The following SANBR variants were observed in gnomAD, a reference collection of about 807,000 sequenced individuals.
SANBR encodes SANT and BTB domain regulator of CSR.
In SANBR, 77 loss-of-function variants were observed where a neutral mutation model predicts 101.8. The observed-to-expected ratio is 0.76, with a 90% CI of 0.63 to 0.91. The LOEUF is 0.91. Among genes scored for constraint, SANBR ranks in the 40% least tolerant of loss-of-function variants. The pLI, the probability that SANBR is intolerant of heterozygous loss-of-function variation, is 0.00. For synonymous variants in SANBR, 279 were observed against 274.7 expected (o/e 1.02, Z -0.15); for missense variants, 875 against 853.0 (o/e 1.03, Z -0.32).
chr2:61,109,509 A>C (rs1180857214), intron 16 of SANBR, among the ~76,000 whole-genome samples: 1 of 151,824 alleles, frequency 6.6e-6, no homozygotes, highest in African/African-American at 2.4e-5. Context: ...CTGAGAAAGA[A>C]CTCTCCAGGT....
chr2:61,087,195 C>A (rs1157668908), intron 8 of SANBR, among the ~76,000 whole-genome samples: 1 of 152,060 alleles, frequency 6.6e-6, no homozygotes, highest in Non-Finnish European at 1.5e-5. Flanking sequence ...AGATCATATA[C>A]CTAGTTATTG....
intron 17 of SANBR, among the ~76,000 whole-genome samples, chr2:61,116,847 GT>G (rs1211214597): frequency 6.6e-6 from 1 of 151,984 alleles, no homozygotes; most frequent in Non-Finnish European, 1.5e-5. Flanking sequence ...GAGCCCAAGA[GT>G]TTGAGACCAG....
At chr2:61,121,579 T>C in intron 21 of SANBR, 1 of 237,638 alleles carries the variant, frequency 4.2e-6, no homozygotes, top group Non-Finnish European at 8.4e-6. Flanking sequence ...TTGTACTGTT[T>C]GTAGATCACA....
chr2:61,079,845 A>T (rs1490489515), intron 6 of SANBR, among the ~76,000 whole-genome samples: 1 of 151,656 alleles, frequency 6.6e-6, no homozygotes. Flanking sequence ...GGTTGCAGTG[A>T]GCAGAGATTG....
At chr2:61,110,831 A>AG (rs1359905677) in intron 16 of SANBR, among the ~76,000 whole-genome samples, 1 of 148,060 alleles carries the variant, frequency 6.8e-6, no homozygotes. Context: ...CTGGGCAATC[A>AG]GAGTGAAACT....
At chr2:61,107,641 T>C (rs1261543585) in intron 14 of SANBR, among the ~76,000 whole-genome samples, 1 of 152,176 alleles carries the variant, frequency 6.6e-6, no homozygotes, top group African/African-American at 2.4e-5. Context: ...TGGTGGTTCA[T>C]GCTTGTAATC....
At chr2:61,101,360 T>G (rs773138276) in intron 12 of SANBR, among the ~76,000 whole-genome samples, 103 of 152,364 alleles carry the variant, frequency 6.8e-4, no homozygotes, top group Admixed American at 1.8e-3. Flanking sequence ...AATTTACATT[T>G]GTGGTTAGTT....
chr2:61,100,502 G>A (rs987786290), intron 12 of SANBR, among the ~76,000 whole-genome samples: 4 of 152,146 alleles, frequency 2.6e-5, no homozygotes, highest in Admixed American at 2.6e-4. Context: ...GGCACGGTAG[G>A]GTGGGATCTT....
chr2:61,101,364 G>T lies in SANBR; in HGVS notation c.1366-2489G>T, dbSNP rs536414486. Among the ~76,000 whole-genome samples the T allele has an allele frequency of 5.7e-3, 873 of 152,174 alleles. 4 individuals carry two copies. The highest frequency in any genetic ancestry group is 8.0e-3 in the Non-Finnish European group (545 of 68,014). On this transcript the variant is annotated intron_variant, in intron 12 of 21. Transcript: ENST00000402291. ...TTGTAACCACAAATTTACATTTGTGGTTAGTTTGTTTCCATTTTAGCTATC... is the reference window on the plus strand; with the variant it reads ...TTGTAACCACAAATTTACATTTGTGTTTAGTTTGTTTCCATTTTAGCTATC...
chr2:61,109,034 T>G (rs1292485663), intron 15 of SANBR, among the ~76,000 whole-genome samples, 163 bp from the exon 16 acceptor site: 2 of 152,218 alleles, frequency 1.3e-5, no homozygotes, highest in African/African-American at 4.8e-5. Context: ...GCTCCAAATA[T>G]AAAAATTCTT....
At chr2:61,109,489 G>A (rs996092918) in intron 16 of SANBR, among the ~76,000 whole-genome samples, 193 bp downstream of exon 16, 2 of 152,016 alleles carry the variant, frequency 1.3e-5, no homozygotes, top group African/African-American at 2.4e-5. Flanking sequence ...TGTAAAGAAA[G>A]GGCAGTACAC....
chr2:61,133,129 G>C (rs545648968), intron 20 of SANBR, among the ~76,000 whole-genome samples: 2 of 152,140 alleles, frequency 1.3e-5, no homozygotes, highest in African/African-American at 2.4e-5. Flanking sequence ...GTGCATTCCT[G>C]TAATCCCAGC....
At chr2:61,072,871 T>TTC in intron 4 of SANBR, among the ~76,000 whole-genome samples, 3 of 145,084 alleles carry the variant, frequency 2.1e-5, no homozygotes, top group Admixed American at 7.1e-5. Flanking sequence ...TCTTTTTGTT[T>TTC]TTGGAGATGG....
intron 7 of SANBR, 61 bp downstream of exon 7, chr2:61,081,571 A>C: frequency 1.4e-6 from 2 of 1,421,988 alleles, no homozygotes; most frequent in Non-Finnish European, 9.4e-7. Flanking sequence ...CTTTTCCTTC[A>C]AGTATCTAGA....
At position 61,122,752 on chromosome 2, in the gene SANBR, A is replaced by G. The variant is rs1684384409; in HGVS notation, c.*590A>G. On this transcript the variant is annotated 3_prime_UTR_variant, in exon 22 of 22. Coordinates refer to ENST00000402291, the MANE Select transcript of SANBR (RefSeq NM_001129993.3). The stretch of plus-strand genomic sequence containing the variant: ...AAGGGTTAATTTTTTTCAGCATTAT[A>G]TCGTGGAAAGTACAATGTTAATCCA... The G allele has an allele frequency of 2.0e-6, 2 of 985,436 alleles. No homozygotes were observed. The highest frequency in any genetic ancestry group is 1.2e-6 in the Non-Finnish European group (1 of 829,812). 61.0% of individuals were successfully genotyped at this position (985,436 alleles called of 1,614,324 possible).
At chr2:61,087,250 T>C (rs551425393) in intron 8 of SANBR, among the ~76,000 whole-genome samples, 1 of 152,264 alleles carries the variant, frequency 6.6e-6, no homozygotes, top group East Asian at 1.9e-4. Flanking sequence ...ATGTTGCATA[T>C]TCCAGTAACA....
Position 61,074,402 on chromosome 2 carries a change from GAC to G in SANBR, c.431+855_431+856del, listed in dbSNP as rs1681647148. Among the ~76,000 whole-genome samples the G allele has an allele frequency of 1.3e-5, 2 of 152,008 alleles. 1 individual carries two copies. The highest frequency in any genetic ancestry group is 4.2e-4 in the South Asian group (2 of 4,808). On this transcript the variant is annotated intron_variant, in intron 5 of 21. Transcript: ENST00000402291. ...GTAGTTCAGTTATTTTTAGTTTATTGACACAGTCTTGGAGGTTTTCTTTTGAG... is the reference window on the plus strand; with the variant it reads ...GTAGTTCAGTTATTTTTAGTTTATTGACAGTCTTGGAGGTTTTCTTTTGAG...
intron 21 of SANBR, 52 bp downstream of exon 21, chr2:61,121,328 T>C (rs547449674): frequency 2.0e-4 from 252 of 1,286,842 alleles, no homozygotes; most frequent in Non-Finnish European, 2.5e-4. Flanking sequence ...AGTGAATTTT[T>C]TTTTTAAGAT....
chr2:61,114,167 C>A (rs1683965254), intron 16 of SANBR, among the ~76,000 whole-genome samples: 1 of 152,166 alleles, frequency 6.6e-6, no homozygotes, highest in Non-Finnish European at 1.5e-5. Context: ...CTTACACTGA[C>A]ACAGATATTA....
Sources: gnomAD v4.1 joint callset for allele counts (sites outside exome capture counted in the v4.1 genomes callset) on GRCh38, gnomAD v4.1.1 for gene constraint, MANE v1.5 for transcripts, NCBI Gene and HGNC (gene_info 2026-07-23, HGNC 2026-07-21) for gene names.